Variants in SOX6 observed in about 807,000 individuals in gnomAD.
SOX6 encodes the protein transcription factor SOX-6.
In SOX6, 11 loss-of-function variants were observed where a neutral mutation model predicts 97.8. That is an observed-to-expected ratio of 0.11 (90% confidence interval 0.07 to 0.19). The LOEUF (loss-of-function observed/expected upper bound fraction) is 0.19. SOX6 is among the 10% of genes least tolerant of loss of function. The pLI is 1.00. For missense variants in SOX6, 810 were observed against 1,039.5 expected (o/e 0.78, Z 3.04); for synonymous variants, 360 against 371.4 (o/e 0.97, Z 0.35).
intron 4 of SOX6, among the ~76,000 whole-genome samples, chr11:16,526,242 T>C (rs969349136): frequency 1.4e-4 from 21 of 152,178 alleles, no homozygotes; most frequent in Middle Eastern, 3.4e-3. Flanking sequence ...CCCAAATGTC[T>C]AACAATGTAG....
At chr11:16,077,662 T>G (rs1023847192) in intron 9 of SOX6, among the ~76,000 whole-genome samples, 2 of 152,130 alleles carry the variant, frequency 1.3e-5, no homozygotes, top group Non-Finnish European at 2.9e-5. Context: ...TGCAGCAACA[T>G]GGATGGAGCT....
chr11:16,528,070 TTTC>T (rs1481945931), intron 4 of SOX6, among the ~76,000 whole-genome samples: 1 of 152,096 alleles, frequency 6.6e-6, no homozygotes, highest in Non-Finnish European at 1.5e-5. Flanking sequence ...GCTCCATTAT[TTTC>T]TTATTCTAGA....
Position 15,972,720 on chromosome 11 carries a change from G to T in SOX6, c.*89C>A. The T allele has an allele frequency of 1.5e-6, 2 of 1,364,060 alleles. No homozygotes were observed. The highest frequency in any genetic ancestry group is 2.1e-6 in the Non-Finnish European group (2 of 957,272). 84.5% of individuals were successfully genotyped at this position (1,364,060 alleles called of 1,614,324 possible). ...ACCATTCTGCTGATGTAATTGTGGA[G>T]CCACAAATGCATGCGGGCTCTTTAA... On this transcript the variant is annotated 3_prime_UTR_variant, in exon 16 of 16. Transcript: ENST00000683767.
At chr11:16,039,098 C>A (rs1855590416) in intron 12 of SOX6, among the ~76,000 whole-genome samples, 1 of 152,080 alleles carries the variant, frequency 6.6e-6, no homozygotes, top group African/African-American at 2.4e-5. Context: ...ATATGTATGA[C>A]AAGAATTTTT....
At chr11:16,228,946 G>A (rs888894488) in intron 4 of SOX6, among the ~76,000 whole-genome samples, 1 of 152,054 alleles carries the variant, frequency 6.6e-6, no homozygotes, top group Non-Finnish European at 1.5e-5. Flanking sequence ...GAAACCACTG[G>A]TTTTTTAAGT....
intron 2 of SOX6, among the ~76,000 whole-genome samples, chr11:16,329,549 T>G (rs1285519983): frequency 6.6e-6 from 1 of 152,186 alleles, no homozygotes; most frequent in Non-Finnish European, 1.5e-5. Flanking sequence ...AATCCCAGCT[T>G]TTCCACCTCT....
At chr11:16,332,105 T>C (rs1227772124) in intron 2 of SOX6, among the ~76,000 whole-genome samples, 1 of 152,092 alleles carries the variant, frequency 6.6e-6, no homozygotes, top group South Asian at 2.1e-4. Context: ...ATATCTGAAA[T>C]ACATCGATGA....
chr11:16,515,259 T>G (rs1186403976), intron 4 of SOX6, among the ~76,000 whole-genome samples: 5 of 152,166 alleles, frequency 3.3e-5, no homozygotes, highest in Admixed American at 3.3e-4. Context: ...TGAGATGGTA[T>G]CTCATTGTGG....
At chr11:15,983,030 A>T (rs1187546419) in intron 15 of SOX6, among the ~76,000 whole-genome samples, 1 of 152,070 alleles carries the variant, frequency 6.6e-6, no homozygotes, top group African/African-American at 2.4e-5. Context: ...GAAACCAGCT[A>T]TGTGTCCAAC....
rs564571787 is a variant in SOX6 at position 16,728,585 on chromosome 11, A to G, written n.353+7754T>C. 3.3e-4 allele frequency among the ~76,000 whole-genome samples: 50 copies of G among 152,340 alleles called. No homozygotes were observed. In the East Asian group the frequency reaches 9.5e-3, roughly 29 times the overall value. ...GAAACCCAATCCGAAGGTCACCAACATCAAAGACAAAAGGCAGATAAATCC... is the reference window on the plus strand; with the variant it reads ...GAAACCCAATCCGAAGGTCACCAACGTCAAAGACAAAAGGCAGATAAATCC... On this transcript the variant is annotated intron_variant and non_coding_transcript_variant, in intron 2 of 5. Transcript: ENST00000524520.
chr11:16,077,042 C>G (rs916506559), intron 9 of SOX6, among the ~76,000 whole-genome samples: 1 of 151,934 alleles, frequency 6.6e-6, no homozygotes, highest in South Asian at 2.1e-4. Flanking sequence ...CGTGAGCCAC[C>G]GCGCCCGGCC....
chr11:15,975,531 T>C (rs1853450823), intron 15 of SOX6, among the ~76,000 whole-genome samples: 1 of 152,208 alleles, frequency 6.6e-6, no homozygotes, highest in Non-Finnish European at 1.5e-5. Flanking sequence ...TTTTGCAGTA[T>C]TTTTACCAGA....
chr11:16,646,409 T>C (rs2134009415), intron 3 of SOX6: 1 of 152,282 alleles, frequency 6.6e-6, no homozygotes, highest in Non-Finnish European at 1.5e-5. Flanking sequence ...GTGTTGCTAT[T>C]TATATCATCT....
intron 1 of SOX6, among the ~76,000 whole-genome samples, chr11:16,346,279 T>C (rs931861784): frequency 6.6e-6 from 1 of 152,030 alleles, no homozygotes; most frequent in Non-Finnish European, 1.5e-5. Context: ...GTAACAGATA[T>C]GTTTAGTTGC....
At chr11:16,101,987 T>A (rs561855581) in intron 7 of SOX6, among the ~76,000 whole-genome samples, 3 of 151,856 alleles carry the variant, frequency 2.0e-5, no homozygotes, top group Non-Finnish European at 4.4e-5. Flanking sequence ...GGATACCCAC[T>A]TTAACCACTT....
At chr11:16,717,677 CCT>C (rs1444283185) in intron 2 of SOX6, among the ~76,000 whole-genome samples, 3 of 152,070 alleles carry the variant, frequency 2.0e-5, no homozygotes, top group African/African-American at 7.2e-5. Flanking sequence ...TACACACTAC[CCT>C]CTTTCTCTTA....
At chr11:16,296,958 C>T (rs560578254) in intron 3 of SOX6, among the ~76,000 whole-genome samples, 148 of 151,958 alleles carry the variant, frequency 9.7e-4, no homozygotes, top group African/African-American at 3.4e-3. Context: ...AGACTGTCTT[C>T]GAATTTAAAA....
rs1019450643 is a variant in SOX6 at position 16,090,257 on chromosome 11, G to A, written c.1101+5739C>T. On this transcript the variant is annotated intron_variant, in intron 9 of 15. Transcript: ENST00000683767. ...GAGGACTACATTGGTTTTGAGTATA[G>A]CTGACTATCCCACCAATCAAATAAC... is the stretch of plus-strand genomic sequence containing the variant. 4.6e-5 allele frequency among the ~76,000 whole-genome samples: 7 copies of A among 152,044 alleles called. No homozygotes were observed. The South Asian group carries it at 1.5e-3, about 32-fold the overall frequency.
chr11:16,143,742 A>G (rs1397487092), intron 6 of SOX6, among the ~76,000 whole-genome samples: 2 of 152,198 alleles, frequency 1.3e-5, no homozygotes, highest in African/African-American at 2.4e-5. Context: ...ACAAAGATCA[A>G]AAGAGACAAA....
Sources: allele counts gnomAD v4.1 joint callset (sites outside exome capture counted in the v4.1 genomes callset), GRCh38; gene constraint gnomAD v4.1.1; transcripts MANE v1.5; gene names NCBI Gene and HGNC (gene_info 2026-07-23, HGNC 2026-07-21).